GNAL: variants seen among roughly 807,000 people sequenced by gnomAD.
GNAL encodes the protein guanine nucleotide-binding protein G(olf) subunit alpha.
GNAL carries 18 observed loss-of-function variants against 55.1 expected under a neutral mutation model. The ratio of observed to expected loss-of-function variants is 0.33; its 90% CI spans 0.23 to 0.48. The LOEUF (loss-of-function observed/expected upper bound fraction) is 0.48. Among genes scored for constraint, GNAL ranks in the 20% least tolerant of loss-of-function variants. The probability of loss-of-function intolerance (pLI) is 0.99; values close to 1 mark genes in which losing one functional copy is unlikely to be tolerated. For missense variants in GNAL, 412 were observed against 614.1 expected (o/e 0.67, Z 3.48); for synonymous variants, 253 against 237.0 (o/e 1.07, Z -0.62).
chr18:11,806,601 C>T (rs2034668375), intron 4 of GNAL, among the ~76,000 whole-genome samples: 1 of 152,136 alleles, frequency 6.6e-6, no homozygotes, highest in South Asian at 2.1e-4. Context: ...AAACTGTGTG[C>T]CCAGCATTGC....
chr18:11,792,457 A>T (rs1053289761), intron 4 of GNAL, among the ~76,000 whole-genome samples: 2 of 152,220 alleles, frequency 1.3e-5, no homozygotes, highest in Admixed American at 1.3e-4. Context: ...AAGTGCTAGG[A>T]TTACAGGCAT....
rs999763859 is a variant in GNAL at position 11,882,919 on chromosome 18, C to T, written c.*1784C>T. 2 of 152,150 alleles carry T rather than the reference C, an allele frequency of 1.3e-5. No individual in the cohort carries two copies. Among genetic ancestry groups the T allele is most frequent in the Admixed American group, 1.3e-4 (2 of 15,268 alleles). 9.4% of individuals were successfully genotyped at this position (152,150 alleles called of 1,614,324 possible). A position where few individuals can be genotyped will look rare whatever the true frequency, so the allele number is the denominator to read the frequency against. ...AAGAACTGGTGTAGCAATGATGCTT[C>T]ATATTCTAGCTGTAGCCACAGAGTT... On this transcript the variant is annotated 3_prime_UTR_variant, in exon 12 of 12. Transcript: ENST00000334049.
Position 11,742,621 on chromosome 18 carries a change from A to G in GNAL, c.377-10232A>G, listed in dbSNP as rs76561907. ...CACCCGACCTCTGAGACTGAGTTTC[A>G]TTGTCTGCCAACCTGCCTCCTGGGC... On this transcript the variant is annotated intron_variant, in intron 1 of 11. Coordinates refer to ENST00000334049, the MANE Select transcript of GNAL (RefSeq NM_182978.4). Among the ~76,000 whole-genome samples, 257 of 152,284 alleles carry G rather than the reference A, an allele frequency of 1.7e-3. 1 individual carries two copies. Among genetic ancestry groups the G allele is most frequent in the African/African-American group, 5.8e-3 (240 of 41,566 alleles).
At chr18:11,697,450 C>T (rs1006391024) in intron 1 of GNAL, among the ~76,000 whole-genome samples, 1 of 151,984 alleles carries the variant, frequency 6.6e-6, no homozygotes, top group Admixed American at 6.6e-5. Flanking sequence ...CCCAGCTTCT[C>T]AGGAGGCTAA....
chr18:11,768,907 A>AATAT (rs1555648411), intron 4 of GNAL, among the ~76,000 whole-genome samples: 6 of 109,484 alleles, frequency 5.5e-5, no homozygotes, highest in African/African-American at 2.9e-4. Context: ...AAAAAAAAAA[A>AATAT]ATATATATAT....
intron 5 of GNAL, chr18:11,854,272 C>T (rs1233372588): frequency 1.8e-5 from 3 of 167,076 alleles, no homozygotes; most frequent in African/African-American, 7.2e-5. Context: ...CTTGTATATG[C>T]TTGAACTTTC....
chr18:11,885,667 T>A lies in GNAL; in HGVS notation c.*4532T>A. 6.2e-7 allele frequency: 1 copy of A among 1,608,460 alleles called. No individual in the cohort carries two copies. The highest frequency in any genetic ancestry group is 1.1e-5 in the South Asian group (1 of 90,886). Reference sequence around the variant, plus strand: ...AAAGCTTTCAGACAAAAATAAACTTTCACGTTACCATGATGAAACTGGGGT... The same window carrying A: ...AAAGCTTTCAGACAAAAATAAACTTACACGTTACCATGATGAAACTGGGGT... On this transcript the variant is annotated 3_prime_UTR_variant, in exon 12 of 12. Transcript: ENST00000334049.
chr18:11,710,913 T>C (rs1013095726), intron 1 of GNAL, among the ~76,000 whole-genome samples: 2 of 152,208 alleles, frequency 1.3e-5, no homozygotes, highest in Admixed American at 6.5e-5. Context: ...TCTCGCTCTG[T>C]TATCCAGGCT....
chr18:11,804,185 T>C (rs1431188818), intron 4 of GNAL, among the ~76,000 whole-genome samples: 16 of 128,930 alleles, frequency 1.2e-4, no homozygotes, highest in Non-Finnish European at 1.9e-4. Flanking sequence ...AGTGGTGAAG[T>C]ACAGGTGCGG....
At position 11,753,953 on chromosome 18, in the gene GNAL, A is replaced by T. The variant is rs1235575143; in HGVS notation, c.624+8A>T. 1.9e-6 allele frequency: 3 copies of T among 1,594,446 alleles called. No homozygotes were observed. The African/African-American group carries it at 4.0e-5, about 21-fold the overall frequency. ...GACTTTGAATATTCCCAGGTAAGAA[A>T]TGCTTACTGAAATATTCTAACTAGT... On this transcript the variant is annotated splice_region_variant and intron_variant, in intron 4 of 11. Transcript: ENST00000334049.
chr18:11,726,550 G>A (rs565738191), intron 1 of GNAL, among the ~76,000 whole-genome samples: 92 of 152,254 alleles, frequency 6.0e-4, no homozygotes, highest in African/African-American at 1.8e-3. Flanking sequence ...GCACCTCCTC[G>A]CGCCCTGGGG....
chr18:11,709,119 T>C (rs970348288), intron 1 of GNAL, among the ~76,000 whole-genome samples: 1 of 152,208 alleles, frequency 6.6e-6, no homozygotes, highest in Non-Finnish European at 1.5e-5. Context: ...ACTATATTTG[T>C]GGATTTATTT....
chr18:11,819,043 C>T (rs1043905453), intron 4 of GNAL, among the ~76,000 whole-genome samples: 7 of 152,142 alleles, frequency 4.6e-5, no homozygotes, highest in East Asian at 3.9e-4. Flanking sequence ...GCCAGACAGA[C>T]GGCACCACAC....
intron 4 of GNAL, among the ~76,000 whole-genome samples, chr18:11,769,521 A>G (rs1407468340): frequency 6.6e-6 from 1 of 152,164 alleles, no homozygotes. Flanking sequence ...CCCTTGGTCT[A>G]CAAACTTGTT....
intron 1 of GNAL, among the ~76,000 whole-genome samples, chr18:11,736,305 G>A (rs2032462391): frequency 6.6e-6 from 1 of 152,154 alleles, no homozygotes; most frequent in Admixed American, 6.5e-5. Context: ...CAAGGCGGGA[G>A]GATCACTTGA....
intron 10 of GNAL, among the ~76,000 whole-genome samples, chr18:11,872,892 C>T (rs573134490): frequency 2.0e-5 from 3 of 152,224 alleles, no homozygotes; most frequent in Non-Finnish European, 4.4e-5. Context: ...TCCCCAAGCC[C>T]ATGCTGGCAG....
At chr18:11,767,652 GCTCT>G (rs1023839048) in intron 4 of GNAL, among the ~76,000 whole-genome samples, 4 of 152,098 alleles carry the variant, frequency 2.6e-5, no homozygotes, top group Non-Finnish European at 4.4e-5. Context: ...TTGCACACTT[GCTCT>G]CTCTGTTCCC....
chr18:11,765,815 G>A (rs140329607), intron 4 of GNAL, among the ~76,000 whole-genome samples: 150 of 152,234 alleles, frequency 9.9e-4, no homozygotes, highest in African/African-American at 3.5e-3. Flanking sequence ...TCTTGGATAG[G>A]ATGTCTTTGA....
At chr18:11,876,574 C>G in intron 10 of GNAL, 47 bp from the exon 11 acceptor site, 2 of 1,124,756 alleles carry the variant, frequency 1.8e-6, no homozygotes, top group South Asian at 2.5e-5. Flanking sequence ...AGAGTTGTAT[C>G]TTTGTTTCAT....
Sources: gnomAD v4.1 joint callset for allele counts (sites outside exome capture counted in the v4.1 genomes callset) on GRCh38, gnomAD v4.1.1 for gene constraint, MANE v1.5 for transcripts, NCBI Gene and HGNC (gene_info 2026-07-23, HGNC 2026-07-21) for gene names.